The following NOTCH2 variants were observed in gnomAD, a reference collection of about 807,000 sequenced individuals.
NOTCH2 encodes notch receptor 2, also known as neurogenic locus notch homolog protein 2.
NOTCH2 carries 29 observed loss-of-function variants against 235.8 expected under a neutral mutation model. The ratio of observed to expected loss-of-function variants is 0.12; its 90% CI spans 0.09 to 0.17. NOTCH2 has a LOEUF of 0.17. Ranked by LOEUF, NOTCH2 falls within the 10% of genes least tolerant of loss-of-function variation. The pLI, the probability that NOTCH2 is intolerant of heterozygous loss-of-function variation, is 1.00. For missense variants in NOTCH2, 2,285 were observed against 3,150.2 expected (o/e 0.73, Z 6.57); for synonymous variants, 1,086 against 1,141.5 (o/e 0.95, Z 0.98).
At position 119,915,322 on chromosome 1, in the gene NOTCH2, A is replaced by G. The variant is rs1366987459; in HGVS notation, c.7400T>C (p.Met2467Thr). 4 of 1,613,476 alleles carry G rather than the reference A, an allele frequency of 2.5e-6. No homozygotes were observed. In the South Asian group the frequency reaches 4.4e-5, roughly 18 times the overall value. ...THMSEPPHNNMQVYA is the reference protein window; with the variant it reads ...THMSEPPHNNTQVYA ...TGGACTCTCTCACGCATAAACCTGCATGTTGTTGTGTGGTGGCTCAGACAT... is the reference window on the plus strand; with the variant it reads ...TGGACTCTCTCACGCATAAACCTGCGTGTTGTTGTGTGGTGGCTCAGACAT... Residue 2467 changes from methionine to threonine, a missense_variant, in exon 34 of 34, where the codon ATG (methionine) becomes ACG (threonine). Transcript: ENST00000256646.
rs2603926 is a variant in NOTCH2, at chr1:120,069,346, C to A, written c.61G>T (p.Ala21Ser). The change falls in exon 1 of 34, where the codon GCC (alanine) becomes TCC (serine). Residue 21 changes from alanine to serine, a missense_variant. Physicochemically the swap from Ala to Ser is moderately conservative, Grantham distance 99 (BLOSUM62 1). Transcript: ENST00000256646. ...ALLALWLCCA[A>S]PAHALQCRDG... ...GCCCGATACTCACCATGCGCGGGGG[C>A]CGCGCAGCACAGCCAGAGCGCCAGC... 4.2e-5 allele frequency: 65 copies of A among 1,562,782 alleles called. 2 individuals carry two copies. Among genetic ancestry groups the A allele is most frequent in the Middle Eastern group, 4.3e-4 (2 of 4,622 alleles).
At chr1:119,959,262 G>T in intron 12 of NOTCH2, 130 bp downstream of exon 12, 1 of 694,560 alleles carries the variant, frequency 1.4e-6, no homozygotes, top group South Asian at 1.6e-5. Flanking sequence ...TAGAGAAGCA[G>T]AGAAACAGAC....
At chr1:120,039,409 C>T (rs1398182102) in intron 1 of NOTCH2, among the ~76,000 whole-genome samples, 7 of 127,058 alleles carry the variant, frequency 5.5e-5, no homozygotes, top group Admixed American at 1.5e-4. Flanking sequence ...CTTTTTAAAG[C>T]TTTTTTTTTT....
intron 1 of NOTCH2, among the ~76,000 whole-genome samples, chr1:120,039,713 A>T (rs1459559828): frequency 6.6e-6 from 1 of 151,638 alleles, no homozygotes; most frequent in African/African-American, 2.4e-5. Flanking sequence ...TTATTTTGTT[A>T]AGTACAGCTT....
In NOTCH2 at chr1:119,966,404, G is replaced by A. The variant is rs781817441; in HGVS notation, c.1539C>T (p.Val513=). ...GAGGACACAGGCACTGGAAACGATTGACTTTATCCACACACTGCCCATTGT... is the reference window on the plus strand; with the variant it reads ...GAGGACACAGGCACTGGAAACGATTAACTTTATCCACACACTGCCCATTGT... ...CVNNGQCVDK[V]NRFQCLCPPG... The change falls in exon 9 of 34, where the codon GTC becomes GTT. Residue 513 remains valine, a synonymous_variant. Transcript: ENST00000256646. The A allele has an allele frequency of 1.2e-6, 2 of 1,613,816 alleles. No homozygotes were observed. Among genetic ancestry groups the A allele is most frequent in the South Asian group, 1.1e-5 (1 of 91,084 alleles).
intron 19 of NOTCH2, 115 bp downstream of exon 19, chr1:119,940,440 T>A: frequency 1.1e-6 from 1 of 919,450 alleles, no homozygotes; most frequent in Non-Finnish European, 1.7e-6. Flanking sequence ...TCTCAGGGAA[T>A]CCCTGAGATC....
chr1:119,947,979 CAAGA>C (rs1650322762), intron 17 of NOTCH2, among the ~76,000 whole-genome samples: 1 of 152,042 alleles, frequency 6.6e-6, no homozygotes, highest in Non-Finnish European at 1.5e-5. Context: ...ACTCCACAGG[CAAGA>C]AAGAGAGAAG....
At chr1:120,037,681 A>G (rs1449280335) in intron 1 of NOTCH2, among the ~76,000 whole-genome samples, 1 of 151,990 alleles carries the variant, frequency 6.6e-6, no homozygotes, top group South Asian at 2.1e-4. Flanking sequence ...AGGAAAAAAA[A>G]AAACAAAAAA....
intron 17 of NOTCH2, among the ~76,000 whole-genome samples, chr1:119,945,324 A>G (rs1650214669): frequency 6.6e-6 from 1 of 152,186 alleles, no homozygotes; most frequent in African/African-American, 2.4e-5. Flanking sequence ...TGGAAACAAT[A>G]CACAGAAGAA....
At chr1:119,944,042 C>T (rs1469569613) in intron 17 of NOTCH2, among the ~76,000 whole-genome samples, 3 of 151,904 alleles carry the variant, frequency 2.0e-5, no homozygotes, top group African/African-American at 7.2e-5. Context: ...CAAAATAAAA[C>T]ACTAAGTGGA....
chr1:119,950,418 T>C (rs1192421305), intron 15 of NOTCH2: 10 of 528,182 alleles, frequency 1.9e-5, no homozygotes, highest in Non-Finnish European at 3.3e-5. Flanking sequence ...GCTAATGTCC[T>C]GGAAACATTC....
chr1:119,939,388 C>G (rs1416522277), intron 19 of NOTCH2, among the ~76,000 whole-genome samples: 1 of 152,180 alleles, frequency 6.6e-6, no homozygotes, highest in South Asian at 2.1e-4. Context: ...GTATAGCCAC[C>G]CTGTAATGCT....
chr1:120,009,485 C>A (rs61787042), intron 2 of NOTCH2, among the ~76,000 whole-genome samples: 6 of 151,568 alleles, frequency 4.0e-5, no homozygotes, highest in South Asian at 2.1e-4. Context: ...GGTCCCATTT[C>A]CCTTTCCAAA....
In NOTCH2 at chr1:120,001,566, C is replaced by T. The variant is rs184386124; in HGVS notation, c.415+3763G>A. On this transcript the variant is annotated intron_variant, in intron 3 of 33. Transcript: ENST00000256646. Reference sequence around the variant, plus strand: ...TTGCCAGCAGCAGAAACCAACACTGCACCTTTGATATGGCACTATTCCTCA... The same window carrying T: ...TTGCCAGCAGCAGAAACCAACACTGTACCTTTGATATGGCACTATTCCTCA... 7.9e-4 allele frequency among the ~76,000 whole-genome samples: 120 copies of T among 152,188 alleles called. 1 individual carries two copies. The highest frequency in any genetic ancestry group is 2.6e-3 in the African/African-American group (106 of 41,562).
At position 119,916,302 on chromosome 1, in the gene NOTCH2, T is replaced by G; in HGVS notation, c.6420A>C (p.Gln2140His). ...RRKKSLSEKV[Q>H]LSESSVTLSP... ...ATAAAGTTACTGAACTCTCAGACAG[T>G]TGGACCTTCTCACTCAGAGACTTCT... Residue 2140 changes from glutamine (Q) to histidine (H), a missense_variant, in exon 34 of 34, where the codon CAA becomes CAC. Gln to His is a conservative substitution (Grantham distance 24). Coordinates refer to ENST00000256646, the MANE Select transcript of NOTCH2 (RefSeq NM_024408.4). 1 of 1,614,144 alleles carries G rather than the reference T, an allele frequency of 6.2e-7. No individual in the cohort carries two copies. The highest frequency in any genetic ancestry group is 8.5e-7 in the Non-Finnish European group (1 of 1,180,018).
At chr1:119,972,400 T>C (rs1383317366) in intron 5 of NOTCH2, among the ~76,000 whole-genome samples, 2 of 152,226 alleles carry the variant, frequency 1.3e-5, no homozygotes, top group African/African-American at 4.8e-5. Flanking sequence ...GTCTCATCTA[T>C]TATACTTATG....
chr1:119,925,545 G>T lies in NOTCH2; in HGVS notation c.4271C>A (p.Thr1424Asn). Residue 1424 changes from threonine to asparagine, a missense_variant, in exon 25 of 34, where the codon ACC (threonine) becomes AAC (asparagine). By Grantham distance (65) the Thr-to-Asn change is moderately conservative. This residue lies in a region of NOTCH2 where 1,173 missense variants were observed against 1,515.3 expected (regional missense o/e 0.77). Transcript: ENST00000256646. ...YTAPPSTPPA[T>N]CLSQYCADKA... ...GTCGGCACAATACTGGCTCAGACAG[G>T]TGGCAGGAGGGGTGCTGGGGGGTGC... The T allele has an allele frequency of 6.2e-7, 1 of 1,614,174 alleles. No homozygotes were observed. Among genetic ancestry groups the T allele is most frequent in the African/African-American group, 1.3e-5 (1 of 75,040 alleles).
intron 30 of NOTCH2, 69 bp from the exon 31 acceptor site, chr1:119,919,682 C>G: frequency 7.0e-7 from 1 of 1,433,894 alleles, no homozygotes; most frequent in Non-Finnish European, 9.7e-7. Flanking sequence ...GTTGAAACAG[C>G]TCTATTTGAC....
At chr1:119,934,384 A>G (rs886631355) in intron 22 of NOTCH2, among the ~76,000 whole-genome samples, 1 of 152,236 alleles carries the variant, frequency 6.6e-6, no homozygotes, top group African/African-American at 2.4e-5. Flanking sequence ...GATAACAGCT[A>G]TCACCAGAAT....
Sources: gnomAD v4.1 joint callset for allele counts (sites outside exome capture counted in the v4.1 genomes callset) on GRCh38, gnomAD v4.1.1 for gene constraint, gnomAD v4.1.1 regional missense constraint, MANE v1.5 for transcripts, NCBI Gene and HGNC (gene_info 2026-07-23, HGNC 2026-07-21) for gene names.